Variants in SNX8 observed in about 807,000 individuals in gnomAD.
SNX8 encodes sorting nexin-8.
SNX8 carries 25 observed loss-of-function variants against 51.6 expected under a neutral mutation model. The observed-to-expected ratio is 0.48, with a 90% CI of 0.35 to 0.68. SNX8 has a LOEUF of 0.68. Among genes scored for constraint, SNX8 ranks in the 30% least tolerant of loss-of-function variants. SNX8 has a pLI of 0.00. For synonymous variants in SNX8, 324 were observed against 277.0 expected (o/e 1.17, Z -1.68); for missense variants, 695 against 624.0 (o/e 1.11, Z -1.21).
intron 1 of SNX8, among the ~76,000 whole-genome samples, chr7:2,309,458 G>A (rs1300792810): frequency 5.9e-5 from 9 of 152,152 alleles, no homozygotes; most frequent in African/African-American, 1.7e-4. Context: ...CCAGCCGGGC[G>A]CGGTGGCTCA....
At chr7:2,291,190 C>T (rs147145964) in intron 1 of SNX8, among the ~76,000 whole-genome samples, 18 of 152,076 alleles carry the variant, frequency 1.2e-4, no homozygotes, top group Non-Finnish European at 2.1e-4. Flanking sequence ...GTTCCAGCTG[C>T]TTCCAAAGCT....
upstream of SNX8, chr7:2,314,586 GC>G: frequency 1.6e-6 from 1 of 632,016 alleles, no homozygotes; most frequent in Non-Finnish European, 2.0e-6. Flanking sequence ...GCCCGGCCTC[GC>G]CACGCCTACA....
chr7:2,315,751 C>T (rs1796743809), upstream of SNX8, among the ~76,000 whole-genome samples: 1 of 150,582 alleles, frequency 6.6e-6, no homozygotes, highest in African/African-American at 2.4e-5. Context: ...CCCACTCACT[C>T]ACTTACTGCA....
At chr7:2,322,761 A>G (rs1287311817) in intron 1 of SNX8, among the ~76,000 whole-genome samples, 5 of 152,060 alleles carry the variant, frequency 3.3e-5, no homozygotes, top group Non-Finnish European at 7.4e-5. Context: ...TCACGCCTGT[A>G]ATCCCAGCAC....
intron 1 of SNX8, among the ~76,000 whole-genome samples, chr7:2,298,793 G>A (rs1354365758): frequency 6.6e-6 from 1 of 151,892 alleles, no homozygotes; most frequent in Non-Finnish European, 1.5e-5. Context: ...CCAGGTTCAA[G>A]AGATTCTCAT....
chr7:2,307,409 G>GA (rs1796567350), intron 1 of SNX8, among the ~76,000 whole-genome samples: 1 of 151,948 alleles, frequency 6.6e-6, no homozygotes, highest in Non-Finnish European at 1.5e-5. Context: ...AAGGCGGGGG[G>GA]ATCACTGAGG....
intron 1 of SNX8, among the ~76,000 whole-genome samples, chr7:2,283,233 G>C (rs1385183941): frequency 6.6e-6 from 1 of 152,216 alleles, no homozygotes; most frequent in Non-Finnish European, 1.5e-5. Context: ...GAAGTCACAG[G>C]CCCTGCCAGC....
At chr7:2,325,869 G>T (rs1250018049) in intron 1 of SNX8, among the ~76,000 whole-genome samples, 4 of 152,062 alleles carry the variant, frequency 2.6e-5, no homozygotes, top group African/African-American at 9.7e-5. Flanking sequence ...AAAAATAAAA[G>T]AAGGTAACAG....
intron 1 of SNX8, among the ~76,000 whole-genome samples, chr7:2,353,261 G>A (rs1779201034): frequency 6.6e-6 from 1 of 152,020 alleles, no homozygotes. Context: ...GTTCACGCTT[G>A]TAATCCTGGC....
intron 1 of SNX8, among the ~76,000 whole-genome samples, chr7:2,333,821 C>T (rs1778779762): frequency 6.6e-6 from 1 of 152,028 alleles, no homozygotes; most frequent in Non-Finnish European, 1.5e-5. Flanking sequence ...AAATATTAAC[C>T]CACGTCATAG....
intron 1 of SNX8, among the ~76,000 whole-genome samples, chr7:2,285,054 T>C (rs1023652869): frequency 1.3e-5 from 2 of 151,690 alleles, no homozygotes; most frequent in African/African-American, 4.8e-5. Context: ...CTTCTAAAAA[T>C]ACAAAAAATT....
rs1371205967 is a variant in SNX8, at chr7:2,255,096, G to A, written c.1358C>T (p.Pro453Leu). The A allele has an allele frequency of 9.5e-6, 15 of 1,580,634 alleles. No individual in the cohort carries two copies. The highest frequency in any genetic ancestry group is 1.2e-5 in the Non-Finnish European group (14 of 1,163,924). The part of the protein sequence containing the change: ...LFAGPHSTLT[P>L]PCSPPEDGLC... ...GCCGTCCTCCGGCGGGGAGCACGGTGGGGTCAGGGTGCTGTGTGGTCCCGC... is the reference window on the plus strand; with the variant it reads ...GCCGTCCTCCGGCGGGGAGCACGGTAGGGTCAGGGTGCTGTGTGGTCCCGC... Residue 453 changes from proline (P) to leucine (L), a missense_variant, in exon 11 of 11, where the codon CCA (proline) becomes CTA (leucine). Transcript: ENST00000222990.
intron 1 of SNX8, among the ~76,000 whole-genome samples, chr7:2,351,905 G>GTTTT (rs748043966): frequency 7.9e-5 from 7 of 88,320 alleles, no homozygotes; most frequent in Admixed American, 1.4e-4. Context: ...GTTGTTGTTG[G>GTTTT]TTTTTTTTTT....
At chr7:2,301,153 A>G (rs1409222798) in intron 1 of SNX8, among the ~76,000 whole-genome samples, 5 of 152,208 alleles carry the variant, frequency 3.3e-5, no homozygotes, top group African/African-American at 7.2e-5. Context: ...CTGTGCAACT[A>G]TCTCCCTCTA....
At chr7:2,310,665 G>A (rs532822714) in intron 1 of SNX8, among the ~76,000 whole-genome samples, 5 of 152,210 alleles carry the variant, frequency 3.3e-5, no homozygotes, top group African/African-American at 1.2e-4. Flanking sequence ...TACTCAGGAG[G>A]CTGAGGCAGA....
chr7:2,287,489 C>A (rs1260743108), intron 1 of SNX8, among the ~76,000 whole-genome samples: 1 of 150,392 alleles, frequency 6.6e-6, no homozygotes, highest in South Asian at 2.1e-4. Context: ...TGAGGCAGGA[C>A]AATCACTTGA....
intron 1 of SNX8, among the ~76,000 whole-genome samples, chr7:2,351,821 A>G (rs1302751694): frequency 6.6e-6 from 1 of 151,630 alleles, no homozygotes; most frequent in African/African-American, 2.4e-5. Context: ...ACAGAGTGAG[A>G]CTCCATCTCA....
intron 2 of SNX8, among the ~76,000 whole-genome samples, chr7:2,275,681 G>A (rs1240109414): frequency 2.0e-5 from 3 of 150,306 alleles, no homozygotes; most frequent in African/African-American, 7.4e-5. Context: ...TAGCCTGGAC[G>A]ACAAAGCGAG....
intron 1 of SNX8, among the ~76,000 whole-genome samples, chr7:2,331,117 C>T (rs1024653616): frequency 2.2e-5 from 3 of 137,392 alleles, no homozygotes; most frequent in African/African-American, 5.4e-5. Flanking sequence ...GCCAGGGAGG[C>T]GAAAGTTGCA....
Sources: gnomAD v4.1 joint callset for allele counts (sites outside exome capture counted in the v4.1 genomes callset) on GRCh38, gnomAD v4.1.1 for gene constraint, MANE v1.5 for transcripts, NCBI Gene and HGNC (gene_info 2026-07-23, HGNC 2026-07-21) for gene names.